The following ZFR2 variants were observed in gnomAD, a reference collection of about 807,000 sequenced individuals.
ZFR2 encodes the protein zinc finger RNA binding protein 2.
A neutral mutation model predicts 105.7 loss-of-function variants in ZFR2; 104 were observed. The ratio of observed to expected loss-of-function variants is 0.98; its 90% CI spans 0.84 to 1.16. The LOEUF (loss-of-function observed/expected upper bound fraction) is 1.16. Among genes scored for constraint, ZFR2 ranks in the 50% most tolerant of loss-of-function variants. ZFR2 has a pLI of 0.00. For synonymous variants in ZFR2, 634 were observed against 597.7 expected (o/e 1.06, Z -0.89); for missense variants, 1,425 against 1,355.5 (o/e 1.05, Z -0.80).
chr19:3,834,727 C>T lies in ZFR2; in HGVS notation c.264+46G>A, dbSNP rs778413316. On this transcript the variant is annotated intron_variant, in intron 2 of 18. Transcript: ENST00000262961. This position sits in a 1 kb window ranked among gnomAD's most constrained non-coding sequence, Gnocchi z 5.3. ...GCCCACCGCTCTCACCCATGCAAGG[C>T]GACCCACGTTTCCCGGCAACGCTGG... is the stretch of plus-strand genomic sequence containing the variant. 5.7e-6 allele frequency: 9 copies of T among 1,583,796 alleles called. No homozygotes were observed. Among genetic ancestry groups the T allele is most frequent in the Admixed American group, 3.5e-5 (2 of 56,942 alleles).
rs1432207757 is a variant in ZFR2, at chr19:3,823,335, C to G, written c.1282G>C (p.Gly428Arg). Residue 428 changes from glycine to arginine, a missense_variant, in exon 8 of 19, where the codon GGT (glycine) becomes CGT (arginine). Physicochemically the swap from Gly to Arg is moderately radical, Grantham distance 125. Transcript: ENST00000262961. This position sits in a 1 kb window ranked among gnomAD's most constrained non-coding sequence, Gnocchi z 5.4. ...CCTCCTTGGGTAGGTGCTCCGGGAC[C>G]CTCTAATTTAGGTTGGGCTGGTTTC... is the stretch of plus-strand genomic sequence containing the variant. The part of the protein sequence containing the change: ...WGKPAQPKLE[G>R]PGAPTQGGSK... 6.2e-7 allele frequency: 1 copy of G among 1,613,994 alleles called. No homozygotes were observed. The highest frequency in any genetic ancestry group is 1.1e-5 in the South Asian group (1 of 91,086).
Position 3,811,356 on chromosome 19 carries a change from C to G in ZFR2, c.2253G>C (p.Glu751Asp), listed in dbSNP as rs764121976. The G allele has an allele frequency of 4.3e-5, 69 of 1,594,378 alleles. No individual in the cohort carries two copies. The highest frequency in any genetic ancestry group is 5.8e-5 in the Non-Finnish European group (68 of 1,171,544). Residue 751 changes from glutamate to aspartate, a missense_variant, in exon 15 of 19, where the codon GAG (glutamate) becomes GAC (aspartate). Transcript: ENST00000262961. ...GGACATCACCTGCATCAGCCTGAGG[C>G]TCCTCCACACCTTCTAGAAGAAAAA... ...EDPSTDPGVE[E>D]PQADAGDVLS...
chr19:3,823,296 G>C lies in ZFR2; in HGVS notation c.1321C>G (p.Pro441Ala). ...APTQGGSKEA[P>A]AGCSDAQPVG... ...GGCTGCGCATCAGAGCAGCCCGCGGGAGCTTCCTTTGAGCCTCCTTGGGTA... is the reference window on the plus strand; with the variant it reads ...GGCTGCGCATCAGAGCAGCCCGCGGCAGCTTCCTTTGAGCCTCCTTGGGTA... Residue 441 changes from proline to alanine, a missense_variant, in exon 8 of 19, where the codon CCC (proline) becomes GCC (alanine). Pro to Ala is a conservative substitution (Grantham distance 27). Transcript: ENST00000262961. This position sits in a 1 kb window ranked among gnomAD's most constrained non-coding sequence, Gnocchi z 5.4. The C allele has an allele frequency of 6.2e-7, 1 of 1,614,030 alleles. No individual in the cohort carries two copies.
intron 17 of ZFR2, among the ~76,000 whole-genome samples, chr19:3,807,789 C>A (rs1350231722): frequency 6.9e-6 from 1 of 144,358 alleles, no homozygotes; most frequent in Admixed American, 6.9e-5. Context: ...TATGCATGTG[C>A]GCCTGTGTGT....
rs1156865683 is a variant in ZFR2 at position 3,822,192 on chromosome 19, G to T, written c.1380C>A (p.Ser460Arg). 6.3e-7 allele frequency: 1 copy of T among 1,593,242 alleles called. No individual in the cohort carries two copies. Among genetic ancestry groups the T allele is most frequent in the South Asian group, 1.1e-5 (1 of 87,678 alleles). The change falls in exon 9 of 19, where the codon AGC becomes AGA. Residue 460 changes from serine (S) to arginine (R), a missense_variant. Physicochemically the swap from Ser to Arg is moderately radical, Grantham distance 110 (BLOSUM62 -1). Coordinates refer to ENST00000262961, the MANE Select transcript of ZFR2 (RefSeq NM_015174.2). ...GGAAGCGAAGCACTCGCCCTTCGTC[G>T]CTGAACACCTGAGACACAGAACAGC... ...VGPEYVEEVF[S>R]DEGRVLRFHC...
In ZFR2 at chr19:3,827,666, G is replaced by A; in HGVS notation, c.853-13C>T. 16 of 1,571,784 alleles carry A rather than the reference G, an allele frequency of 1.0e-5. No homozygotes were observed. Among genetic ancestry groups the A allele is most frequent in the Non-Finnish European group, 1.4e-5 (16 of 1,158,956 alleles). ...GTTCCCGGTAGGTCTGCGGCAAGGG[G>A]TGAGAGGCAGCCTGGGCGGGGGTTT... On this transcript the variant is annotated splice_polypyrimidine_tract_variant and intron_variant, in intron 5 of 18. Coordinates refer to ENST00000262961, the MANE Select transcript of ZFR2 (RefSeq NM_015174.2).
At chr19:3,820,133 G>A (rs1015039874) in intron 11 of ZFR2, 49 bp downstream of exon 11, 29 of 1,527,762 alleles carry the variant, frequency 1.9e-5, no homozygotes, top group African/African-American at 5.5e-5. Context: ...CCGCTGCTCC[G>A]GGGAGTGTGA....
chr19:3,832,628 G>GT (rs112247869), intron 3 of ZFR2, among the ~76,000 whole-genome samples: 22,550 of 143,250 alleles, frequency 0.16, 2,077 homozygotes, highest in East Asian at 0.3. Context: ...CCTTTATTTT[G>GT]TTTTTTTTTT....
intron 7 of ZFR2, among the ~76,000 whole-genome samples, chr19:3,824,905 C>G (rs776142811): frequency 5.3e-5 from 8 of 152,190 alleles, no homozygotes; most frequent in Non-Finnish European, 1.2e-4. Flanking sequence ...CCACTGCACT[C>G]CAGCCTGGAG....
chr19:3,848,909 G>A (rs1599249332), intron 1 of ZFR2, among the ~76,000 whole-genome samples: 1 of 150,348 alleles, frequency 6.7e-6, no homozygotes, highest in East Asian at 2.0e-4. Context: ...CAGGAGAATG[G>A]CATGAACCCC....
chr19:3,806,952 C>G (rs570087049), intron 18 of ZFR2, among the ~76,000 whole-genome samples: 4 of 152,206 alleles, frequency 2.6e-5, no homozygotes, highest in Admixed American at 1.3e-4. Flanking sequence ...GCGTCATTAA[C>G]GGTGGTGGCT....
intron 1 of ZFR2, among the ~76,000 whole-genome samples, chr19:3,857,382 G>A (rs1018542849): frequency 1.3e-5 from 2 of 152,072 alleles, no homozygotes; most frequent in Non-Finnish European, 2.9e-5. Context: ...CTGAGGAGGT[G>A]AGAGCGATAG....
Position 3,825,366 on chromosome 19 carries a change from G to A in ZFR2, c.1077C>T (p.Thr359=), listed in dbSNP as rs1049540349. The A allele has an allele frequency of 1.3e-6, 2 of 1,590,118 alleles. No individual in the cohort carries two copies. The highest frequency in any genetic ancestry group is 2.7e-5 in the African/African-American group (2 of 74,326). ...TCTCTGTGGCCAGTGCAGGCTCGAG[G>A]GTGGGAATGGGCTTCCCCAGTTTGG... is the stretch of plus-strand genomic sequence containing the variant. ...LHAKLGKPIP[T]LEPALATESP... Residue 359 remains threonine (T), a synonymous_variant, in exon 7 of 19, where the codon ACC becomes ACT. Transcript: ENST00000262961.
In ZFR2 at chr19:3,833,942, A is replaced by C. The variant is rs542972680; in HGVS notation, c.265-164T>G. Among the ~76,000 whole-genome samples the C allele has an allele frequency of 8.6e-4, 128 of 149,502 alleles. 2 individuals carry two copies. The East Asian group carries it at 0.023, about 26-fold the overall frequency. On this transcript the variant is annotated intron_variant, in intron 2 of 18. Coordinates refer to ENST00000262961, the MANE Select transcript of ZFR2 (RefSeq NM_015174.2). ...AGGCCCTGGCCCGGAGGCAGGGGGC[A>C]GGGGGCAGGGGGCAGGGGGCAGGGG...
chr19:3,851,929 C>T (rs2038241776), intron 1 of ZFR2: 1 of 183,810 alleles, frequency 5.4e-6, no homozygotes, highest in South Asian at 1.1e-4. Flanking sequence ...TGGTGTGGCT[C>T]ACAAAGCCAA....
chr19:3,806,354 C>A (rs1401282290), intron 18 of ZFR2, among the ~76,000 whole-genome samples: 4 of 152,350 alleles, frequency 2.6e-5, no homozygotes, highest in Admixed American at 2.6e-4. Flanking sequence ...CCACCGCCTC[C>A]CAGGTTCAAG....
intron 17 of ZFR2, among the ~76,000 whole-genome samples, chr19:3,807,759 TC>T (rs2037715130): frequency 6.7e-6 from 1 of 150,012 alleles, no homozygotes; most frequent in East Asian, 2.0e-4. Flanking sequence ...TGCATGCATG[TC>T]CATGTGTGTG....
At chr19:3,856,551 A>G (rs1165757991) in intron 1 of ZFR2, among the ~76,000 whole-genome samples, 1 of 152,080 alleles carries the variant, frequency 6.6e-6, no homozygotes, top group Non-Finnish European at 1.5e-5. Context: ...GTCCCCATCA[A>G]CATTCTCTCC....
chr19:3,852,044 C>A (rs560883936), intron 1 of ZFR2: 2 of 238,660 alleles, frequency 8.4e-6, no homozygotes, highest in East Asian at 2.4e-4. Context: ...ATCAGCTGGG[C>A]AGCTCTCCTG....
Sources: allele counts gnomAD v4.1 joint callset (sites outside exome capture counted in the v4.1 genomes callset), GRCh38; gene constraint gnomAD v4.1.1; non-coding constraint Gnocchi (gnomAD v3.1); transcripts MANE v1.5; gene names NCBI Gene and HGNC (gene_info 2026-07-23, HGNC 2026-07-21).